Variants in RNF213 observed in about 807,000 individuals in gnomAD.
RNF213 encodes E3 ubiquitin-protein ligase RNF213.
A neutral mutation model predicts 514.4 loss-of-function variants in RNF213; 341 were observed. The observed-to-expected ratio is 0.66, with a 90% confidence interval of 0.61 to 0.73. RNF213 has a LOEUF of 0.73. Ranked by LOEUF, RNF213 falls within the 30% of genes least tolerant of loss-of-function variation. The pLI, the probability that RNF213 is intolerant of heterozygous loss-of-function variation, is 0.00. For missense variants in RNF213, 5,767 were observed against 6,615.6 expected (o/e 0.87, Z 4.45); for synonymous variants, 2,655 against 2,658.2 (o/e 1.00, Z 0.04).
At chr17:80,371,301 A>G (rs1302822625) in intron 46 of RNF213, among the ~76,000 whole-genome samples, 1 of 152,244 alleles carries the variant, frequency 6.6e-6, no homozygotes, top group Non-Finnish European at 1.5e-5. Flanking sequence ...TGCAAAAACT[A>G]TTAAAATGTT....
Position 80,317,097 on chromosome 17 carries a change from T to C in RNF213, c.2812-91T>C. The stretch of plus-strand genomic sequence containing the variant: ...TTCGCGGAGTCCCGCGCTCTCTGTA[T>C]TGCCGTAATGCTCTGTCTTTCTCCT... On this transcript the variant is annotated intron_variant, in intron 15 of 67. Coordinates refer to ENST00000582970, the MANE Select transcript of RNF213 (RefSeq NM_001256071.3). This position sits in a 1 kb window ranked among gnomAD's most constrained non-coding sequence, Gnocchi z 4.1. 1 of 1,384,218 alleles carries C rather than the reference T, an allele frequency of 7.2e-7. No individual in the cohort carries two copies. Among genetic ancestry groups the C allele is most frequent in the Non-Finnish European group, 1.0e-6 (1 of 988,242 alleles). The allele number at this position is 1,384,218 out of a possible 1,614,324, so 85.7% of individuals were successfully genotyped here. A position where few individuals can be genotyped will look rare whatever the true frequency, so the allele number is the denominator to read the frequency against.
Position 80,288,034 on chromosome 17 carries a change from G to A in RNF213, c.481G>A (p.Asp161Asn), listed in dbSNP as rs1284361573. 3.1e-6 allele frequency: 5 copies of A among 1,600,064 alleles called. No individual in the cohort carries two copies. Among genetic ancestry groups the A allele is most frequent in the Non-Finnish European group, 4.3e-6 (5 of 1,173,892 alleles). The change falls in exon 4 of 68, where the codon GAC (aspartate) becomes AAC (asparagine). Residue 161 changes from aspartate to asparagine, a missense_variant. Transcript: ENST00000582970. This position sits in a 1 kb window ranked among gnomAD's most constrained non-coding sequence, Gnocchi z 4.9. ...CACAGCCACCACGCCACTGGAGGGT[G>A]ACGGCCTCTCCGCGCCCACCGAGGT... is the stretch of plus-strand genomic sequence containing the variant. The part of the protein sequence containing the change: ...PGTATTPLEG[D>N]GLSAPTEVGD...
chr17:80,384,474 C>T (rs545216830), intron 59 of RNF213, among the ~76,000 whole-genome samples: 35 of 152,312 alleles, frequency 2.3e-4, no homozygotes, highest in Non-Finnish European at 4.6e-4. Flanking sequence ...AACACATTGT[C>T]TAAACATTTC....
In RNF213 at chr17:80,395,911, AGTTCCC is replaced by A. The variant is rs1186767800; in HGVS notation, c.*2417_*2422del. ...CTGCGCCAGCCTCACCTCACCCTGC[AGTTCCC>A]GTTTCCGCCATGGATGCCTCATCAC... On this transcript the variant is annotated 3_prime_UTR_variant, in exon 68 of 68. Coordinates refer to ENST00000582970, the MANE Select transcript of RNF213 (RefSeq NM_001256071.3). The A allele has an allele frequency of 1.3e-5, 2 of 152,504 alleles. No individual in the cohort carries two copies. The highest frequency in any genetic ancestry group is 3.9e-4 in the East Asian group (2 of 5,184). The allele number at this position is 152,504 out of a possible 1,614,324, so 9.4% of individuals were successfully genotyped here.
chr17:80,375,654 G>A, intron 50 of RNF213, 106 bp from the exon 51 acceptor site: 1 of 790,062 alleles, frequency 1.3e-6, no homozygotes, highest in Non-Finnish European at 2.2e-6. Flanking sequence ...AGTGAGCCGA[G>A]ATCATGCCAC....
Position 80,332,611 on chromosome 17 carries a change from C to A in RNF213, c.4123C>A (p.Leu1375Ile). The A allele has an allele frequency of 6.7e-7, 1 of 1,501,866 alleles. No homozygotes were observed. Among genetic ancestry groups the A allele is most frequent in the South Asian group, 1.3e-5 (1 of 78,602 alleles). The allele number at this position is 1,501,866 out of a possible 1,614,324, so 93.0% of individuals were successfully genotyped here. ...SLGLNGDFSV[L>I]NTLLNFTDNF... ...GGGACTGAACGGTGACTTCAGTGTT[C>A]TCAACACTTTACTAAATTTTGTAAG... is the stretch of plus-strand genomic sequence containing the variant. Residue 1375 changes from leucine (L) to isoleucine (I), a missense_variant, in exon 21 of 68, where the codon CTC (leucine) becomes ATC (isoleucine). Transcript: ENST00000582970.
intron 51 of RNF213, 143 bp downstream of exon 51, chr17:80,376,013 A>C: frequency 1.3e-6 from 1 of 772,308 alleles, no homozygotes; most frequent in Non-Finnish European, 2.2e-6. Context: ...GTGGAGGAAC[A>C]CATAACCAAG....
At chr17:80,305,184 C>CTTTTTTTTT (rs71163950) in intron 11 of RNF213, among the ~76,000 whole-genome samples, 4 of 127,432 alleles carry the variant, frequency 3.1e-5, no homozygotes, top group Non-Finnish European at 3.1e-5. Context: ...CAGCAGTGAA[C>CTTTTTTTTT]TTTTTTTTTT....
intron 21 of RNF213, among the ~76,000 whole-genome samples, chr17:80,333,251 A>G (rs1277303518): frequency 6.7e-6 from 1 of 149,506 alleles, no homozygotes; most frequent in Non-Finnish European, 1.5e-5. Context: ...TAGCAGAGAC[A>G]GGGTTTCACC....
At chr17:80,327,581 G>A (rs1362774468) in intron 18 of RNF213, among the ~76,000 whole-genome samples, 1 of 152,198 alleles carries the variant, frequency 6.6e-6, no homozygotes, top group African/African-American at 2.4e-5. Context: ...ATTGCGGGAA[G>A]TCATCTTCTT....
At chr17:80,344,566 G>T in intron 28 of RNF213, 112 bp from the exon 29 acceptor site, 1 of 1,161,450 alleles carries the variant, frequency 8.6e-7, no homozygotes, top group South Asian at 1.3e-5. Flanking sequence ...CATATTTTCA[G>T]TGCGTTTTTC....
chr17:80,363,456 G>A, intron 40 of RNF213, 142 bp downstream of exon 40: 2 of 1,192,060 alleles, frequency 1.7e-6, no homozygotes, highest in Non-Finnish European at 2.4e-6. Context: ...GAGATGTTAA[G>A]GACACATCTC....
intron 3 of RNF213, among the ~76,000 whole-genome samples, chr17:80,278,529 C>T (rs1347153080): frequency 4.6e-5 from 7 of 152,208 alleles, no homozygotes; most frequent in Admixed American, 2.6e-4. Flanking sequence ...TCTCCTCTTA[C>T]GTGGACTTGT....
rs2045538526 is a variant in RNF213 at position 80,310,627 on chromosome 17, A to G, written c.2655+1456A>G. ...TAGTGCAATGGCGTGATCTCGGCTC[A>G]CCACAACCTCCGCCTCCTGGGTTCA... On this transcript the variant is annotated intron_variant, in intron 14 of 67. Transcript: ENST00000582970. Among the ~76,000 whole-genome samples the G allele has an allele frequency of 2.0e-5, 3 of 151,056 alleles. No individual in the cohort carries two copies. In the South Asian group the frequency reaches 6.3e-4, roughly 32 times the overall value.
In RNF213 at chr17:80,309,004, T is replaced by C; in HGVS notation, c.2502-14T>C. The C allele has an allele frequency of 6.2e-7, 1 of 1,613,742 alleles. No individual in the cohort carries two copies. The highest frequency in any genetic ancestry group is 1.7e-4 in the Middle Eastern group (1 of 5,838). On this transcript the variant is annotated splice_polypyrimidine_tract_variant and intron_variant, in intron 13 of 67. Coordinates refer to ENST00000582970, the MANE Select transcript of RNF213 (RefSeq NM_001256071.3). ...AATCCTTGCCGGGATTTCTCTTAAC[T>C]CTTTGCGGGGCAGGATTCCCGAGGA... is the stretch of plus-strand genomic sequence containing the variant.
At chr17:80,284,780 T>A (rs115533362) in intron 3 of RNF213, among the ~76,000 whole-genome samples, 3,416 of 152,290 alleles carry the variant, frequency 0.022, 142 homozygotes, top group African/African-American at 0.077. Context: ...GCTTCCCCTG[T>A]GATCCACCTG....
rs371554385 is a variant in RNF213 at position 80,288,244 on chromosome 17, C to T, written c.691C>T (p.His231Tyr). The T allele has an allele frequency of 6.2e-7, 1 of 1,613,310 alleles. No individual in the cohort carries two copies. Among genetic ancestry groups the T allele is most frequent in the Non-Finnish European group, 8.5e-7 (1 of 1,179,996 alleles). ...TCCCCCCACCTCTGCTGGTGAAGGC[C>T]ATTCTAGGACTGAAGATGCTGCCCA... ...TGPPTSAGEG[H>Y]SRTEDAAQEL... Residue 231 changes from histidine (H) to tyrosine (Y), a missense_variant, in exon 4 of 68, where the codon CAT becomes TAT. His to Tyr is a moderately conservative substitution (Grantham distance 83). Around this residue, in one of 13 missense-constraint regions of RNF213, gnomAD observed 509 missense variants for 496.7 expected, o/e 1.02. Coordinates refer to ENST00000582970, the MANE Select transcript of RNF213 (RefSeq NM_001256071.3). The surrounding 1 kb of genome is among the most constrained non-coding windows in gnomAD (Gnocchi z 4.9).
At chr17:80,340,402 C>T in intron 26 of RNF213, 46 bp downstream of exon 26, 1 of 1,525,484 alleles carries the variant, frequency 6.6e-7, no homozygotes, top group South Asian at 1.2e-5. Flanking sequence ...CCAGGGACTG[C>T]CCGGGGCCCT....
rs2078611166 is a variant in RNF213 at position 80,353,524 on chromosome 17, A to G, written c.10436A>G (p.His3479Arg). The change falls in exon 34 of 68, where the codon CAC (histidine) becomes CGC (arginine). Residue 3479 changes from histidine (H) to arginine (R), a missense_variant. Around this residue, in one of 13 missense-constraint regions of RNF213, gnomAD observed 919 missense variants for 1,121.0 expected, o/e 0.82. Transcript: ENST00000582970. The surrounding 1 kb of genome is among the most constrained non-coding windows in gnomAD (Gnocchi z 5.0). ...PGDLPELGLEHRAEDGHEEAM... is the reference protein window; with the variant it reads ...PGDLPELGLERRAEDGHEEAM... ...GCTTCGACTGCAGTGGGCTTGGAAC[A>G]CCGGGCGGAAGACGGCCATGAGGAG... is the stretch of plus-strand genomic sequence containing the variant. 3 of 1,611,080 alleles carry G rather than the reference A, an allele frequency of 1.9e-6. No individual in the cohort carries two copies. Among genetic ancestry groups the G allele is most frequent in the Non-Finnish European group, 2.5e-6 (3 of 1,178,612 alleles).
Sources: gnomAD v4.1 joint callset for allele counts (sites outside exome capture counted in the v4.1 genomes callset) on GRCh38, gnomAD v4.1.1 for gene constraint, gnomAD v4.1.1 regional missense constraint, Gnocchi (gnomAD v3.1) non-coding constraint, MANE v1.5 for transcripts, NCBI Gene and HGNC (gene_info 2026-07-23, HGNC 2026-07-21) for gene names.